The following LAMA2 variants were observed in gnomAD, a reference collection of about 807,000 sequenced individuals.
The protein encoded by LAMA2 is laminin subunit alpha-2.
A neutral mutation model predicts 364.8 loss-of-function variants in LAMA2; 269 were observed. That is an observed-to-expected ratio of 0.74 (90% CI 0.67 to 0.82). The LOEUF (loss-of-function observed/expected upper bound fraction) is 0.82, where lower values mean the gene tolerates loss of function less well. LAMA2 is among the 40% of genes least tolerant of loss of function. LAMA2 has a pLI of 0.00. For missense variants in LAMA2, 3,807 were observed against 3,873.2 expected, an observed-to-expected ratio of 0.98 and a Z score of 0.45; for synonymous variants, 1,379 against 1,370.6, an observed-to-expected ratio of 1.01 and a Z score of -0.14.
At chr6:129,125,954 C>T (rs1419498881) in intron 4 of LAMA2, among the ~76,000 whole-genome samples, 1 of 151,886 alleles carries the variant, frequency 6.6e-6, no homozygotes, top group Non-Finnish European at 1.5e-5. Flanking sequence ...AAAAAGCCAT[C>T]AAAAAACGCC....
At chr6:129,020,041 G>A (rs886907207) in intron 1 of LAMA2, among the ~76,000 whole-genome samples, 4 of 147,652 alleles carry the variant, frequency 2.7e-5, no homozygotes, top group Non-Finnish European at 4.4e-5. Context: ...AGCTGAGATC[G>A]CACCACTGCA....
In LAMA2 at chr6:129,463,050, A is replaced by T. The variant is rs183956896; in HGVS notation, c.6993-1240A>T. 1.5e-4 allele frequency among the ~76,000 whole-genome samples: 23 copies of T among 152,160 alleles called. No individual in the cohort carries two copies. The East Asian group carries it at 2.9e-3, about 19-fold the overall frequency. On this transcript the variant is annotated intron_variant, in intron 49 of 64. Transcript: ENST00000421865. The stretch of plus-strand genomic sequence containing the variant: ...TCATGCTTCTAAAATTCACATTAAG[A>T]TTAAAGTAAGGGGAAAAATCTGCTG...
intron 34 of LAMA2, among the ~76,000 whole-genome samples, chr6:129,370,555 C>T (rs1489013248): frequency 6.6e-6 from 1 of 152,158 alleles, no homozygotes; most frequent in Admixed American, 6.5e-5. Context: ...GTATTAAAAA[C>T]TTTTTGCAGT....
intron 36 of LAMA2, among the ~76,000 whole-genome samples, 166 bp downstream of exon 36, chr6:129,391,819 T>TATCTATCTATC: frequency 6.7e-6 from 1 of 148,262 alleles, no homozygotes; most frequent in African/African-American, 2.6e-5. Flanking sequence ...ATCTATCTAT[T>TATCTATCTATC]TATCTATCTA....
At chr6:128,923,267 G>A (rs569552377) in intron 1 of LAMA2, among the ~76,000 whole-genome samples, 10 of 151,640 alleles carry the variant, frequency 6.6e-5, no homozygotes, top group Non-Finnish European at 1.5e-4. Flanking sequence ...TAGCTTGATG[G>A]GAATGGCATT....
At chr6:129,378,165 A>G (rs1308044406) in intron 34 of LAMA2, among the ~76,000 whole-genome samples, 1 of 152,204 alleles carries the variant, frequency 6.6e-6, no homozygotes, top group African/African-American at 2.4e-5. Context: ...ACATATTAGG[A>G]TAAATGAGAA....
rs1213455071 is a variant in LAMA2 at position 129,502,670 on chromosome 6, T to G, written c.8256T>G (p.Ala2752=). The G allele has an allele frequency of 1.2e-6, 2 of 1,613,292 alleles. No individual in the cohort carries two copies. The highest frequency in any genetic ancestry group is 2.2e-5 in the East Asian group (1 of 44,864). ...TGGGTATTTTACAGGGTCCTTGTGC[T>G]GCAGAATCAGAACCAGCTCTTTTGA... is the stretch of plus-strand genomic sequence containing the variant. ...PTPVLTHGPC[A]AESEPALLIG... is the part of the protein sequence containing the mutation. Residue 2752 remains alanine, a synonymous_variant, in exon 59 of 65, where the codon GCT becomes GCG. Transcript: ENST00000421865.
intron 55 of LAMA2, among the ~76,000 whole-genome samples, chr6:129,484,888 G>A (rs1470462239): frequency 6.6e-6 from 1 of 152,062 alleles, no homozygotes; most frequent in African/African-American, 2.4e-5. Context: ...AGATTTACAG[G>A]TATTCATGTT....
intron 1 of LAMA2, among the ~76,000 whole-genome samples, chr6:128,923,942 TTC>T (rs1778917661): frequency 6.6e-6 from 1 of 152,128 alleles, no homozygotes; most frequent in African/African-American, 2.4e-5. Flanking sequence ...TCTTCAGTGC[TTC>T]AGCTAGGAAG....
intron 24 of LAMA2, 133 bp downstream of exon 24, chr6:129,314,931 C>A: frequency 1.1e-6 from 1 of 880,592 alleles, no homozygotes; most frequent in Non-Finnish European, 1.9e-6. Flanking sequence ...CATTTAGGAA[C>A]AGCAAAGGGG....
chr6:129,054,262 A>G (rs1348951194), intron 2 of LAMA2, among the ~76,000 whole-genome samples: 1 of 152,216 alleles, frequency 6.6e-6, no homozygotes, highest in African/African-American at 2.4e-5. Flanking sequence ...GAGTAAAATA[A>G]AGAATCAAAC....
rs770552254 is a variant in LAMA2 at position 129,260,909 on chromosome 6, T to C, written c.2208+87T>C. The C allele has an allele frequency of 8.5e-6, 7 of 818,984 alleles. No homozygotes were observed. In the East Asian group the frequency reaches 1.7e-4, roughly 20 times the overall value. The allele number at this position is 818,984 out of a possible 1,614,324, so 50.7% of individuals were successfully genotyped here. ...CCTATTCTAATAAGAGCTGTTTTTT[T>C]TCTATCAATAATTACACAAATAATG... On this transcript the variant is annotated intron_variant, in intron 15 of 64. Transcript: ENST00000421865.
At chr6:129,316,942 G>T in intron 27 of LAMA2, among the ~76,000 whole-genome samples, 1 of 152,146 alleles carries the variant, frequency 6.6e-6, no homozygotes, top group East Asian at 1.9e-4. Flanking sequence ...ATTGTAAAAA[G>T]AAGGAATAAC....
intron 40 of LAMA2, among the ~76,000 whole-genome samples, chr6:129,417,325 T>C (rs925692821): frequency 2.6e-5 from 4 of 152,064 alleles, no homozygotes; most frequent in African/African-American, 9.7e-5. Context: ...AATTCCAGCA[T>C]CTGTGCAGCA....
chr6:128,927,986 C>A (rs1446337604), intron 1 of LAMA2, among the ~76,000 whole-genome samples: 1 of 152,150 alleles, frequency 6.6e-6, no homozygotes, highest in Non-Finnish European at 1.5e-5. Context: ...CTGTAAAGTA[C>A]AGGAAATACT....
At chr6:129,243,741 T>C (rs917151403) in intron 12 of LAMA2, among the ~76,000 whole-genome samples, 5 of 151,546 alleles carry the variant, frequency 3.3e-5, no homozygotes, top group Non-Finnish European at 7.4e-5. Flanking sequence ...AAAAAAAAAA[T>C]CCCAAATTCA....
intron 37 of LAMA2, among the ~76,000 whole-genome samples, chr6:129,395,175 T>A (rs1779541281): frequency 6.6e-6 from 1 of 151,986 alleles, no homozygotes; most frequent in Non-Finnish European, 1.5e-5. Context: ...CCTGGGCTAA[T>A]CTGATGCCTA....
intron 48 of LAMA2, among the ~76,000 whole-genome samples, chr6:129,457,617 A>G (rs184078384): frequency 2.0e-5 from 3 of 152,242 alleles, no homozygotes; most frequent in Admixed American, 2.0e-4. Context: ...CTCTTCCTAT[A>G]TGCTAAGTAA....
chr6:128,896,123 A>T (rs1441847857), intron 1 of LAMA2, among the ~76,000 whole-genome samples: 1 of 152,182 alleles, frequency 6.6e-6, no homozygotes, highest in African/African-American at 2.4e-5. Context: ...GAGTGGTAGT[A>T]AGATATTTCC....
Sources: allele counts gnomAD v4.1 joint callset (sites outside exome capture counted in the v4.1 genomes callset), GRCh38; gene constraint gnomAD v4.1.1; transcripts MANE v1.5; gene names NCBI Gene and HGNC (gene_info 2026-07-23, HGNC 2026-07-21).